Variants in METAP1D observed in about 807,000 individuals in gnomAD.
METAP1D encodes methionine aminopeptidase 1D, mitochondrial.
A neutral mutation model predicts 40.5 loss-of-function variants in METAP1D; 31 were observed. The ratio of observed to expected loss-of-function variants is 0.77; its 90% CI spans 0.58 to 1.03. The LOEUF (loss-of-function observed/expected upper bound fraction) is 1.03. Ranked by LOEUF, METAP1D falls within the 50% of genes least tolerant of loss-of-function variation. The pLI is 0.00. For missense variants in METAP1D, 411 were observed against 420.7 expected, an observed-to-expected ratio of 0.98 and a Z score of 0.20; for synonymous variants, 151 against 146.4, an observed-to-expected ratio of 1.03 and a Z score of -0.22.
chr2:172,000,047 G>C, intron 1 of METAP1D, 38 bp downstream of exon 1: 1 of 1,276,672 alleles, frequency 7.8e-7, no homozygotes, highest in Non-Finnish European at 1.0e-6. Context: ...GGGTTCGCAC[G>C]GTTGCTCACT....
In METAP1D at chr2:172,070,933, C is replaced by T. The variant is rs760882736; in HGVS notation, c.567C>T (p.Asp189=). The change falls in exon 6 of 10, where the codon GAC becomes GAT. Residue 189 remains aspartate, a synonymous_variant. Transcript: ENST00000315796. ...VTVYYNGYHG[D]TSETFLVGNV... ...TCTATTACAATGGCTACCATGGAGA[C>T]ACCTCTGAAACATTTTTGGTGGGCA... The T allele has an allele frequency of 2.4e-5, 39 of 1,611,978 alleles. No individual in the cohort carries two copies. The highest frequency in any genetic ancestry group is 3.2e-5 in the Non-Finnish European group (38 of 1,178,730).
intron 1 of METAP1D, among the ~76,000 whole-genome samples, chr2:172,019,122 TG>T (rs1688946293): frequency 6.6e-6 from 1 of 151,722 alleles, no homozygotes; most frequent in Non-Finnish European, 1.5e-5. Flanking sequence ...GAGGCTGAGG[TG>T]GGAGGATCAC....
intron 1 of METAP1D, among the ~76,000 whole-genome samples, chr2:172,021,103 AT>A (rs1688995500): frequency 6.6e-6 from 1 of 152,122 alleles, no homozygotes; most frequent in South Asian, 2.1e-4. Flanking sequence ...ATTAAAAAAA[AT>A]CCTATACTCT....
intron 2 of METAP1D, 44 bp from the exon 3 acceptor site, chr2:172,063,667 G>T: frequency 5.5e-6 from 8 of 1,458,536 alleles, no homozygotes; most frequent in Non-Finnish European, 7.7e-6. Flanking sequence ...TCCCATTGTC[G>T]TGCGCTGGGT....
intron 1 of METAP1D, among the ~76,000 whole-genome samples, chr2:172,050,550 A>G (rs1410531703): frequency 6.6e-6 from 1 of 152,188 alleles, no homozygotes; most frequent in Non-Finnish European, 1.5e-5. Context: ...TTAATATAAA[A>G]TCATTCTATT....
intron 1 of METAP1D, among the ~76,000 whole-genome samples, chr2:172,036,386 TTTTC>T (rs1346750378): frequency 1.3e-3 from 197 of 151,286 alleles, no homozygotes; most frequent in African/African-American, 4.6e-3. Flanking sequence ...GTTTCCACCT[TTTTC>T]TTTTTTTTTT....
chr2:172,024,374 A>G (rs1044616077), intron 1 of METAP1D, among the ~76,000 whole-genome samples: 6 of 152,124 alleles, frequency 3.9e-5, no homozygotes, highest in Non-Finnish European at 7.4e-5. Context: ...AGAAAAATGT[A>G]CCCACCTCAT....
At chr2:172,037,262 C>G (rs919970768) in intron 1 of METAP1D, among the ~76,000 whole-genome samples, 2 of 73,562 alleles carry the variant, frequency 2.7e-5, no homozygotes, top group East Asian at 1.8e-3. Flanking sequence ...AACTCCATCT[C>G]AAGAAAAAAA....
intron 6 of METAP1D, among the ~76,000 whole-genome samples, chr2:172,072,803 C>G (rs916237482): frequency 1.3e-5 from 2 of 152,054 alleles, no homozygotes; most frequent in Admixed American, 6.6e-5. Context: ...TATAATTGAG[C>G]CTCTTTGTAG....
intron 1 of METAP1D, among the ~76,000 whole-genome samples, chr2:172,039,565 A>T (rs1041040916): frequency 2.6e-5 from 4 of 152,054 alleles, no homozygotes; most frequent in Admixed American, 6.5e-5. Context: ...TTCATTTCCT[A>T]CACTTCACTT....
intron 4 of METAP1D, 143 bp from the exon 5 acceptor site, chr2:172,066,121 T>A (rs1338381307): frequency 1.6e-6 from 1 of 644,978 alleles, no homozygotes; most frequent in African/African-American, 1.9e-5. Context: ...AAGATTAGAT[T>A]TAGTTATCCT....
intron 6 of METAP1D, among the ~76,000 whole-genome samples, chr2:172,075,890 C>A (rs912209841): frequency 1.3e-5 from 2 of 152,146 alleles, no homozygotes; most frequent in African/African-American, 4.8e-5. Context: ...ATCCTCTAAC[C>A]TTTGCATCCA....
intron 5 of METAP1D, among the ~76,000 whole-genome samples, chr2:172,069,117 A>G (rs1202015409): frequency 3.3e-5 from 5 of 152,016 alleles, no homozygotes; most frequent in African/African-American, 1.2e-4. Flanking sequence ...GGGTTTCACT[A>G]TGTTTCCCAA....
Position 172,080,377 on chromosome 2 carries a change from A to G in METAP1D, c.979A>G (p.Ile327Val), listed in dbSNP as rs200773279. 1 of 1,613,906 alleles carries G rather than the reference A, an allele frequency of 6.2e-7. No homozygotes were observed. The highest frequency in any genetic ancestry group is 8.5e-7 in the Non-Finnish European group (1 of 1,179,910). Residue 327 changes from isoleucine (I) to valine (V), a missense_variant, in exon 10 of 10, where the codon ATC becomes GTC. By Grantham distance (29) the Ile-to-Val change is conservative. Transcript: ENST00000315796. Reference protein sequence around the residue: ...TVLITSRGAQILTKLPHEA With the variant: ...TVLITSRGAQVLTKLPHEA Reference sequence around the variant, plus strand: ...TCTGATCACGTCGAGGGGCGCGCAGATCCTGACCAAACTACCCCATGAGGC... The same window carrying G: ...TCTGATCACGTCGAGGGGCGCGCAGGTCCTGACCAAACTACCCCATGAGGC...
intron 1 of METAP1D, among the ~76,000 whole-genome samples, chr2:172,055,353 G>C (rs1689980414): frequency 6.6e-6 from 1 of 152,194 alleles, no homozygotes; most frequent in Non-Finnish European, 1.5e-5. Flanking sequence ...GAATTATATA[G>C]GAAATTCAAG....
At chr2:172,067,529 A>G (rs1293202993) in intron 5 of METAP1D, among the ~76,000 whole-genome samples, 4 of 152,200 alleles carry the variant, frequency 2.6e-5, no homozygotes, top group East Asian at 1.9e-4. Flanking sequence ...ATGTGGAAGG[A>G]GGTATTTTAT....
At chr2:172,080,270 G>T in intron 9 of METAP1D, 58 bp from the exon 10 acceptor site, 4 of 1,613,878 alleles carry the variant, frequency 2.5e-6, no homozygotes, top group Non-Finnish European at 2.5e-6. Context: ...CCGACGGCGC[G>T]CTTGTGGCCC....
At chr2:172,047,626 G>T (rs1164500915) in intron 1 of METAP1D, among the ~76,000 whole-genome samples, 3 of 152,108 alleles carry the variant, frequency 2.0e-5, no homozygotes, top group Non-Finnish European at 2.9e-5. Context: ...TAGAGATGCG[G>T]TTTCACCATG....
intron 1 of METAP1D, among the ~76,000 whole-genome samples, chr2:172,034,618 T>C (rs1430070504): frequency 1.3e-5 from 2 of 152,212 alleles, no homozygotes; most frequent in East Asian, 3.8e-4. Flanking sequence ...GCTTAGAAAA[T>C]TTAGTAGCTT....
Sources: allele counts gnomAD v4.1 joint callset (sites outside exome capture counted in the v4.1 genomes callset), GRCh38; gene constraint gnomAD v4.1.1; transcripts MANE v1.5; gene names NCBI Gene and HGNC (gene_info 2026-07-23, HGNC 2026-07-21).